DUOXA1: variants seen among roughly 807,000 people sequenced by gnomAD.
DUOXA1 encodes dual oxidase maturation factor 1, also known as dual oxidase activator 1.
Under a neutral mutation model 26.6 loss-of-function variants are expected in DUOXA1, and 19 were observed. The ratio of observed to expected loss-of-function variants is 0.71; its 90% CI spans 0.50 to 1.05. The LOEUF is 1.05. DUOXA1 is among the 50% of genes least tolerant of loss of function. The pLI is 0.00. For synonymous variants in DUOXA1, 166 were observed against 177.0 expected (o/e 0.94, Z 0.49); for missense variants, 403 against 427.5 (o/e 0.94, Z 0.51).
chr15:45,121,118 G>C lies in DUOXA1; in HGVS notation c.309C>G (p.Val103=). 1 of 1,614,080 alleles carries C rather than the reference G, an allele frequency of 6.2e-7. No homozygotes were observed. The highest frequency in any genetic ancestry group is 8.5e-7 in the Non-Finnish European group (1 of 1,180,020). ...EWISADIGLQ[V]GLGGVNITLT... ...GTGTGATGTTGACTCCACCCAGCCCGACCTGCAGCCCAATATCAGCGCTGA... is the reference window on the plus strand; with the variant it reads ...GTGTGATGTTGACTCCACCCAGCCCCACCTGCAGCCCAATATCAGCGCTGA... Residue 103 remains valine (V), a synonymous_variant, in exon 6 of 9, where the codon GTC becomes GTG. Coordinates refer to ENST00000560572, the MANE Select transcript of DUOXA1 (RefSeq NM_001276266.2).
Position 45,117,741 on chromosome 15 carries a change from G to C in DUOXA1, c.*1365C>G. 1 of 1,612,984 alleles carries C rather than the reference G, an allele frequency of 6.2e-7. No individual in the cohort carries two copies. Among genetic ancestry groups the C allele is most frequent in the Non-Finnish European group, 8.5e-7 (1 of 1,179,140 alleles). ...GCGTCCTGTGCCTCTTCCTCGGAGG[G>C]GCCGTGGTGAGTCTCCAGTATGTTC... On this transcript the variant is annotated 3_prime_UTR_variant, in exon 9 of 9. Transcript: ENST00000560572.
intron 5 of DUOXA1, 30 bp from the exon 6 acceptor site, chr15:45,121,251 C>A: frequency 6.2e-7 from 1 of 1,613,986 alleles, no homozygotes; most frequent in Non-Finnish European, 8.5e-7. Flanking sequence ...CATATGGGAA[C>A]TCAGAGATGA....
chr15:45,118,745 T>C lies in DUOXA1; in HGVS notation c.*361A>G, dbSNP rs900259743. On this transcript the variant is annotated 3_prime_UTR_variant, in exon 9 of 9. Transcript: ENST00000560572. ...ATGAGAGGAAACCATAGGAGAATCATATGTAACCCCCACCCTGCTGGTGTT... is the reference window on the plus strand; with the variant it reads ...ATGAGAGGAAACCATAGGAGAATCACATGTAACCCCCACCCTGCTGGTGTT... 3.9e-6 allele frequency: 4 copies of C among 1,016,076 alleles called. No individual in the cohort carries two copies. The highest frequency in any genetic ancestry group is 3.4e-5 in the African/African-American group (2 of 58,494). The allele number at this position is 1,016,076 out of a possible 1,614,324, so 62.9% of individuals were successfully genotyped here.
At position 45,117,740 on chromosome 15, in the gene DUOXA1, G is replaced by A; in HGVS notation, c.*1366C>T. 6.2e-7 allele frequency: 1 copy of A among 1,612,868 alleles called. No homozygotes were observed. Among genetic ancestry groups the A allele is most frequent in the Non-Finnish European group, 8.5e-7 (1 of 1,179,042 alleles). ...GGCGTCCTGTGCCTCTTCCTCGGAG[G>A]GGCCGTGGTGAGTCTCCAGTATGTT... On this transcript the variant is annotated 3_prime_UTR_variant, in exon 9 of 9. Transcript: ENST00000560572.
Position 45,120,584 on chromosome 15 carries a change from A to C in DUOXA1, c.554+8T>G. 6.2e-7 allele frequency: 1 copy of C among 1,613,772 alleles called. No homozygotes were observed. Among genetic ancestry groups the C allele is most frequent in the Non-Finnish European group, 8.5e-7 (1 of 1,179,718 alleles). On this transcript the variant is annotated splice_region_variant and intron_variant, in intron 7 of 8. Coordinates refer to ENST00000560572, the MANE Select transcript of DUOXA1 (RefSeq NM_001276266.2). Reference sequence around the variant, plus strand: ...AGGGCCTCCACCCCGTCTCCTTCCCATCCTCACCATAGCATGGCTGAGGTG... The same window carrying C: ...AGGGCCTCCACCCCGTCTCCTTCCCCTCCTCACCATAGCATGGCTGAGGTG...
At chr15:45,122,718 T>G (rs1376207469) in intron 4 of DUOXA1, 150 bp downstream of exon 4, 1 of 976,624 alleles carries the variant, frequency 1.0e-6, no homozygotes, top group Non-Finnish European at 1.5e-6. Flanking sequence ...GCTGAATCAA[T>G]GAATGGGGAG....
chr15:45,129,453 C>G lies in DUOXA1; in HGVS notation c.-147+7G>C, dbSNP rs990870052. On this transcript the variant is annotated splice_region_variant and intron_variant, in intron 2 of 8. Transcript: ENST00000560572. This position sits in a 1 kb window ranked among gnomAD's most constrained non-coding sequence, Gnocchi z 4.1. ...TGCCCAGCAATCCCAGCAGCTCCAGCGCAAACCTAGCGACGCAGTTCCGGG... is the reference window on the plus strand; with the variant it reads ...TGCCCAGCAATCCCAGCAGCTCCAGGGCAAACCTAGCGACGCAGTTCCGGG... The G allele has an allele frequency of 2.0e-5, 3 of 153,276 alleles. No homozygotes were observed. The highest frequency in any genetic ancestry group is 4.4e-5 in the Non-Finnish European group (3 of 68,612). 9.5% of individuals were successfully genotyped at this position (153,276 alleles called of 1,614,324 possible).
At chr15:45,122,784 C>T (rs2141204392) in intron 4 of DUOXA1, 84 bp downstream of exon 4, 1 of 1,481,906 alleles carries the variant, frequency 6.7e-7, no homozygotes, top group Non-Finnish European at 9.0e-7. Flanking sequence ...CCTTCCTTAG[C>T]CTGGTTGTAG....
At chr15:45,121,632 G>A (rs1357560639) in intron 5 of DUOXA1, among the ~76,000 whole-genome samples, 3 of 152,148 alleles carry the variant, frequency 2.0e-5, no homozygotes, top group Admixed American at 6.5e-5. Flanking sequence ...CTCCTGCCTC[G>A]GCCTCCCGAG....
rs897689962 is a variant in DUOXA1, at chr15:45,129,306, C to G, written c.-147+154G>C. On this transcript the variant is annotated intron_variant, in intron 2 of 8. Coordinates refer to ENST00000560572, the MANE Select transcript of DUOXA1 (RefSeq NM_001276266.2). This position sits in a 1 kb window ranked among gnomAD's most constrained non-coding sequence, Gnocchi z 4.1. The stretch of plus-strand genomic sequence containing the variant: ...AGACTGCACCCGAGGCTCTGCGGCG[C>G]CGCCTCCCTCTCCCGGCCTGGTACA... 6 of 152,610 alleles carry G rather than the reference C, an allele frequency of 3.9e-5. No homozygotes were observed. The highest frequency in any genetic ancestry group is 1.2e-4 in the African/African-American group (5 of 41,464). 9.5% of individuals were successfully genotyped at this position (152,610 alleles called of 1,614,324 possible). A position where few individuals can be genotyped will look rare whatever the true frequency, so the allele number is the denominator to read the frequency against.
rs973771682 is a variant in DUOXA1, at chr15:45,122,809, C to G, written c.147+59G>C. On this transcript the variant is annotated intron_variant, in intron 4 of 8. Coordinates refer to ENST00000560572, the MANE Select transcript of DUOXA1 (RefSeq NM_001276266.2). ...CCTGGTTGTAGTCAGAGACTCTGAA[C>G]CCCTCAGCCTGAGGCTGAGGTCTCT... The G allele has an allele frequency of 8.5e-6, 13 of 1,527,946 alleles. No individual in the cohort carries two copies. The East Asian group carries it at 2.8e-4, about 33-fold the overall frequency. 94.6% of individuals were successfully genotyped at this position (1,527,946 alleles called of 1,614,324 possible).
chr15:45,117,731 T>A lies in DUOXA1; in HGVS notation c.*1375A>T. ...ACCGCCACAGGCGTCCTGTGCCTCT[T>A]CCTCGGAGGGGCCGTGGTGAGTCTC... On this transcript the variant is annotated 3_prime_UTR_variant, in exon 9 of 9. Transcript: ENST00000560572. 6.2e-7 allele frequency: 1 copy of A among 1,612,966 alleles called. No homozygotes were observed. Among genetic ancestry groups the A allele is most frequent in the Non-Finnish European group, 8.5e-7 (1 of 1,179,096 alleles).
At position 45,121,351 on chromosome 15, in the gene DUOXA1, G is replaced by T. The variant is rs1257403370; in HGVS notation, c.206-130C>A. On this transcript the variant is annotated intron_variant, in intron 5 of 8. Transcript: ENST00000560572. ...ACTGGATACCCGTTAACTAGCCAGG[G>T]TCTGGCTCATGGTAAGTCTGCCAAC... 1.0e-5 allele frequency: 14 copies of T among 1,357,142 alleles called. No homozygotes were observed. The South Asian group carries it at 1.5e-4, about 15-fold the overall frequency. 84.1% of individuals were successfully genotyped at this position (1,357,142 alleles called of 1,614,324 possible). A position where few individuals can be genotyped will look rare whatever the true frequency, so the allele number is the denominator to read the frequency against.
At chr15:45,123,511 G>C (rs1895422913) in intron 3 of DUOXA1, among the ~76,000 whole-genome samples, 1 of 152,234 alleles carries the variant, frequency 6.6e-6, no homozygotes, top group African/African-American at 2.4e-5. Context: ...AAGGAACAAA[G>C]GCCAGGCAGC....
intron 3 of DUOXA1, 76 bp from the exon 4 acceptor site, chr15:45,123,119 C>CT: frequency 7.3e-7 from 1 of 1,364,728 alleles, no homozygotes; most frequent in Non-Finnish European, 9.6e-7. Context: ...AGATACAGCA[C>CT]AGAATGAGCC....
chr15:45,127,271 T>A (rs923358740), intron 3 of DUOXA1, among the ~76,000 whole-genome samples: 12 of 152,200 alleles, frequency 7.9e-5, no homozygotes, highest in African/African-American at 2.7e-4. Context: ...GATAATATAA[T>A]GTATTTTGGT....
Position 45,117,669 on chromosome 15 carries a change from G to T in DUOXA1, c.*1437C>A. ...GTTCGAGACCAGCCTGGGCAACATAGCCCTGACTCCACATGCCCTCCTTTC... is the reference window on the plus strand; with the variant it reads ...GTTCGAGACCAGCCTGGGCAACATATCCCTGACTCCACATGCCCTCCTTTC... On this transcript the variant is annotated 3_prime_UTR_variant, in exon 9 of 9. Transcript: ENST00000560572. 2 of 1,613,838 alleles carry T rather than the reference G, an allele frequency of 1.2e-6. No homozygotes were observed. Among genetic ancestry groups the T allele is most frequent in the African/African-American group, 2.7e-5 (2 of 75,052 alleles).
chr15:45,128,296 G>A (rs776574092), intron 3 of DUOXA1, among the ~76,000 whole-genome samples: 11 of 152,186 alleles, frequency 7.2e-5, no homozygotes, highest in South Asian at 2.1e-4. Context: ...CTCTCTTGTA[G>A]CCTGACAGGA....
Position 45,117,374 on chromosome 15 carries a change from C to A in DUOXA1, c.*1732G>T. The A allele has an allele frequency of 6.6e-7, 1 of 1,507,136 alleles. No individual in the cohort carries two copies. The allele number at this position is 1,507,136 out of a possible 1,614,324, so 93.4% of individuals were successfully genotyped here. On this transcript the variant is annotated 3_prime_UTR_variant, in exon 9 of 9. Coordinates refer to ENST00000560572, the MANE Select transcript of DUOXA1 (RefSeq NM_001276266.2). ...AGGATTCACACCGGGTGTGCACTTT[C>A]CAGTTTACAGAATGAATTCACATCT...
Sources: allele counts gnomAD v4.1 joint callset (sites outside exome capture counted in the v4.1 genomes callset), GRCh38; gene constraint gnomAD v4.1.1; non-coding constraint Gnocchi (gnomAD v3.1); transcripts MANE v1.5; gene names NCBI Gene and HGNC (gene_info 2026-07-23, HGNC 2026-07-21).